SAFB: variants seen among roughly 807,000 people sequenced by gnomAD.
SAFB encodes the protein scaffold attachment factor B1.
In SAFB, 15 loss-of-function variants were observed where a neutral mutation model predicts 101.6. That is an observed-to-expected ratio of 0.15 (90% CI 0.10 to 0.23). The LOEUF is 0.23. Ranked by LOEUF, SAFB falls within the 10% of genes least tolerant of loss-of-function variation. SAFB has a pLI of 1.00. For synonymous variants in SAFB, 449 were observed against 407.5 expected (o/e 1.10, Z -1.23); for missense variants, 930 against 1,104.1 (o/e 0.84, Z 2.23).
rs1290243071 is a variant in SAFB at position 5,667,836 on chromosome 19, G to A, written c.2574G>A (p.Met858Ile). 1 of 1,613,914 alleles carries A rather than the reference G, an allele frequency of 6.2e-7. No homozygotes were observed. ...GTCTTCCAGGTGGCGAGAGAAGCAT[G>A]TCCGGTCACTCCGGGCCTGGCCACA... ...HKRWQGGERS[M>I]SGHSGPGHMM... Residue 858 changes from methionine to isoleucine, a missense_variant, in exon 20 of 21, where the codon ATG becomes ATA. Met to Ile is a conservative substitution (Grantham distance 10). Coordinates refer to ENST00000588852, the MANE Select transcript of SAFB (RefSeq NM_001201338.2). The surrounding 1 kb of genome is among the most constrained non-coding windows in gnomAD (Gnocchi z 4.0).
At position 5,667,173 on chromosome 19, in the gene SAFB, C is replaced by G. The variant is rs756195352; in HGVS notation, c.2453+9C>G. The stretch of plus-strand genomic sequence containing the variant: ...CTGCCTCCTCCCCCCAGGTTTGTGT[C>G]CCACACCCGACAGTACCTGACCCCC... On this transcript the variant is annotated intron_variant, in intron 18 of 20. Coordinates refer to ENST00000588852, the MANE Select transcript of SAFB (RefSeq NM_001201338.2). The surrounding 1 kb of genome is among the most constrained non-coding windows in gnomAD (Gnocchi z 4.0). 6.6e-7 allele frequency: 1 copy of G among 1,523,634 alleles called. No homozygotes were observed. The highest frequency in any genetic ancestry group is 1.1e-5 in the South Asian group (1 of 87,942). 94.4% of individuals were successfully genotyped at this position (1,523,634 alleles called of 1,614,324 possible). A position where few individuals can be genotyped will look rare whatever the true frequency, so the allele number is the denominator to read the frequency against.
rs769357029 is a variant in SAFB at position 5,661,837 on chromosome 19, G to A, written c.2153+29G>A. On this transcript the variant is annotated intron_variant, in intron 15 of 20. Coordinates refer to ENST00000588852, the MANE Select transcript of SAFB (RefSeq NM_001201338.2). ...AGCAGATCCATGCTGCCCTTAGCAC[G>A]TGGCGTTCAGAATCGTGTTAGGGAC... 53 of 1,463,614 alleles carry A rather than the reference G, an allele frequency of 3.6e-5. 1 individual carries two copies. The East Asian group carries it at 9.1e-4, about 25-fold the overall frequency. The allele number at this position is 1,463,614 out of a possible 1,614,324, so 90.7% of individuals were successfully genotyped here.
chr19:5,623,773 C>A (rs2053259993), intron 1 of SAFB, among the ~76,000 whole-genome samples: 1 of 152,124 alleles, frequency 6.6e-6, no homozygotes, highest in Non-Finnish European at 1.5e-5. Flanking sequence ...GTCACACGGC[C>A]GAGGACGGGC....
In SAFB at chr19:5,651,023, C is replaced by A. The variant is rs1319328242; in HGVS notation, c.1244C>A (p.Ser415Tyr). ...GRNFWVSGLS[S>Y]TTRATDLKNL... ...AATTTCTGGGTTAGTGGACTCTCTT[C>A]TACAACCAGAGCTACAGATTTGAAG... Residue 415 changes from serine (S) to tyrosine (Y), a missense_variant, in exon 9 of 21, where the codon TCT becomes TAT. This residue lies in a region of SAFB where 68 missense variants were observed against 122.1 expected (regional missense o/e 0.56). Coordinates refer to ENST00000588852, the MANE Select transcript of SAFB (RefSeq NM_001201338.2). 1 of 1,610,478 alleles carries A rather than the reference C, an allele frequency of 6.2e-7. No homozygotes were observed. Among genetic ancestry groups the A allele is most frequent in the Non-Finnish European group, 8.5e-7 (1 of 1,178,186 alleles).
intron 9 of SAFB, among the ~76,000 whole-genome samples, chr19:5,651,777 A>G (rs139977208): frequency 6.6e-6 from 1 of 152,308 alleles, no homozygotes; most frequent in East Asian, 1.9e-4. Flanking sequence ...CGTCTCTCTC[A>G]GAGTCGGTTT....
intron 15 of SAFB, among the ~76,000 whole-genome samples, chr19:5,662,460 C>T (rs1350731606): frequency 6.6e-6 from 1 of 151,368 alleles, no homozygotes; most frequent in African/African-American, 2.4e-5. Flanking sequence ...TGCCACTGCA[C>T]TCCAGCCTGG....
chr19:5,668,395 G>C lies in SAFB; in HGVS notation c.*104G>C, dbSNP rs2054387035. 1 of 1,274,178 alleles carries C rather than the reference G, an allele frequency of 7.8e-7. No individual in the cohort carries two copies. The highest frequency in any genetic ancestry group is 1.1e-6 in the Non-Finnish European group (1 of 941,948). 78.9% of individuals were successfully genotyped at this position (1,274,178 alleles called of 1,614,324 possible). ...TTTTTTTTTAATCTGCTGCCATATT[G>C]TAGCTCAATACAATGTGAATTTGTT... On this transcript the variant is annotated 3_prime_UTR_variant, in exon 21 of 21. Coordinates refer to ENST00000588852, the MANE Select transcript of SAFB (RefSeq NM_001201338.2).
chr19:5,649,672 C>G, intron 7 of SAFB, 173 bp downstream of exon 7: 4 of 642,830 alleles, frequency 6.2e-6, no homozygotes, highest in South Asian at 6.1e-5. Flanking sequence ...GATTCAATTC[C>G]TTTTCTTTTT....
chr19:5,627,187 A>AG lies in SAFB; in HGVS notation c.274+704dup, dbSNP rs1179465015. Among the ~76,000 whole-genome samples the AG allele has an allele frequency of 6.3e-5, 8 of 127,614 alleles. No homozygotes were observed. The East Asian group carries it at 1.2e-3, about 19-fold the overall frequency. The allele number at this position is 127,614 out of a possible 152,430, so 83.7% of individuals were successfully genotyped here. On this transcript the variant is annotated intron_variant, in intron 2 of 20. Coordinates refer to ENST00000588852, the MANE Select transcript of SAFB (RefSeq NM_001201338.2). The stretch of plus-strand genomic sequence containing the variant: ...CAAGACCCAGTCTCTCTTAAAAAAA[A>AG]GGGGGGTGGGGGCGGGGCACAGTGT...
intron 4 of SAFB, among the ~76,000 whole-genome samples, chr19:5,642,335 C>T (rs1045163654): frequency 2.6e-5 from 4 of 152,026 alleles, no homozygotes; most frequent in African/African-American, 2.4e-5. Context: ...TCATGTAATC[C>T]GGTAACTCAG....
At chr19:5,658,842 C>CAAAAAAA (rs1018876115) in intron 14 of SAFB, among the ~76,000 whole-genome samples, 1 of 86,442 alleles carries the variant, frequency 1.2e-5, no homozygotes. Context: ...GACTCCATCT[C>CAAAAAAA]AAAAAAAAAG....
intron 13 of SAFB, 111 bp from the exon 14 acceptor site, chr19:5,657,130 C>G (rs2054080670): frequency 2.9e-6 from 2 of 700,984 alleles, no homozygotes; most frequent in African/African-American, 3.6e-5. Flanking sequence ...GTCTCAAATT[C>G]CCAATCTCAA....
Position 5,623,104 on chromosome 19 carries a change from G to T in SAFB, c.-102G>T. 2 of 1,219,832 alleles carry T rather than the reference G, an allele frequency of 1.6e-6. No individual in the cohort carries two copies. The highest frequency in any genetic ancestry group is 2.7e-5 in the South Asian group (2 of 73,326). The allele number at this position is 1,219,832 out of a possible 1,614,324, so 75.6% of individuals were successfully genotyped here. Reference sequence around the variant, plus strand: ...GCGCAGAAGCGAGGCGCGCTGGGGCGACTGGAGCGGTTCCCTCGCAGGCGG... The same window carrying T: ...GCGCAGAAGCGAGGCGCGCTGGGGCTACTGGAGCGGTTCCCTCGCAGGCGG... On this transcript the variant is annotated 5_prime_UTR_variant, in exon 1 of 21. Coordinates refer to ENST00000588852, the MANE Select transcript of SAFB (RefSeq NM_001201338.2).
chr19:5,667,184 C>T lies in SAFB; in HGVS notation c.2453+20C>T. On this transcript the variant is annotated intron_variant, in intron 18 of 20. Transcript: ENST00000588852. This position sits in a 1 kb window ranked among gnomAD's most constrained non-coding sequence, Gnocchi z 4.0. ...CCCCAGGTTTGTGTCCCACACCCGA[C>T]AGTACCTGACCCCCCCCCCGCCCAC... The T allele has an allele frequency of 7.1e-7, 1 of 1,414,434 alleles. No individual in the cohort carries two copies. The highest frequency in any genetic ancestry group is 9.8e-7 in the Non-Finnish European group (1 of 1,016,202). The allele number at this position is 1,414,434 out of a possible 1,614,324, so 87.6% of individuals were successfully genotyped here. A position where few individuals can be genotyped will look rare whatever the true frequency, so the allele number is the denominator to read the frequency against.
intron 9 of SAFB, among the ~76,000 whole-genome samples, chr19:5,651,997 C>T (rs1404597855): frequency 1.3e-5 from 2 of 152,044 alleles, no homozygotes; most frequent in Admixed American, 6.5e-5. Flanking sequence ...AGTTTGAGAC[C>T]AGCTTGGCCA....
chr19:5,630,038 T>TCAAAAA (rs923855395), intron 2 of SAFB, among the ~76,000 whole-genome samples: 13 of 152,092 alleles, frequency 8.5e-5, no homozygotes, highest in African/African-American at 1.2e-4. Flanking sequence ...TGAGGCTGTC[T>TCAAAAA]CAAAAACAAA....
At chr19:5,643,591 A>G (rs892123553) in intron 4 of SAFB, among the ~76,000 whole-genome samples, 4 of 152,178 alleles carry the variant, frequency 2.6e-5, no homozygotes. Context: ...GAATGGCTGC[A>G]TCTTCTTAAG....
At chr19:5,659,220 G>A (rs191926335) in intron 14 of SAFB, among the ~76,000 whole-genome samples, 3 of 151,144 alleles carry the variant, frequency 2.0e-5, no homozygotes, top group Non-Finnish European at 4.4e-5. Context: ...CGGGAGAATC[G>A]TTTGAACCCA....
In SAFB at chr19:5,644,501, C is replaced by T. The variant is rs74730594; in HGVS notation, c.547-836C>T. On this transcript the variant is annotated intron_variant, in intron 4 of 20. Transcript: ENST00000588852. ...CACTTAAACACGTGTGTAGCATATG[C>T]GATGACCACTGCATGGCAGGAAGAA... 3.9e-3 allele frequency among the ~76,000 whole-genome samples: 595 copies of T among 152,262 alleles called. 4 individuals carry two copies. The highest frequency in any genetic ancestry group is 0.014 in the African/African-American group (575 of 41,526).
Sources: gnomAD v4.1 joint callset for allele counts (sites outside exome capture counted in the v4.1 genomes callset) on GRCh38, gnomAD v4.1.1 for gene constraint, gnomAD v4.1.1 regional missense constraint, Gnocchi (gnomAD v3.1) non-coding constraint, MANE v1.5 for transcripts, NCBI Gene and HGNC (gene_info 2026-07-23, HGNC 2026-07-21) for gene names.